KLHL4: variants seen among roughly 807,000 people sequenced by gnomAD.
The protein encoded by KLHL4 is kelch like family member 4.
KLHL4 carries 17 observed loss-of-function variants against 45.8 expected under a neutral mutation model. The ratio of observed to expected loss-of-function variants is 0.37; its 90% CI spans 0.25 to 0.56. The LOEUF is 0.56. Among genes scored for constraint, KLHL4 ranks in the 20% least tolerant of loss-of-function variants. The probability of loss-of-function intolerance (pLI) is 0.79; values close to 1 mark genes in which losing one functional copy is unlikely to be tolerated. For synonymous variants in KLHL4, 224 were observed against 189.9 expected (o/e 1.18, Z -1.47); for missense variants, 544 against 544.9 (o/e 1.00, Z 0.02).
At chrX:87,524,730 T>C (rs989563533) in intron 1 of KLHL4, among the ~76,000 whole-genome samples, 6 of 112,239 alleles carry the variant, frequency 5.3e-5, no homozygotes, top group Admixed American at 2.8e-4. Context: ...GGACTTTAGT[T>C]AATAATAATG....
At chrX:87,565,325 A>G (rs1439210621) in intron 1 of KLHL4, among the ~76,000 whole-genome samples, 4 of 112,144 alleles carry the variant, frequency 3.6e-5, no homozygotes, top group Non-Finnish European at 5.6e-5. Context: ...GAATAGAAAA[A>G]TAATAGACTC....
At chrX:87,663,627 A>G (rs182380310) in intron 9 of KLHL4, among the ~76,000 whole-genome samples, 1 of 112,590 alleles carries the variant, frequency 8.9e-6, no homozygotes, top group African/African-American at 3.2e-5. Flanking sequence ...TGAGTGAAGC[A>G]TCAATTAACA....
At chrX:87,651,127 G>A (rs72634520) in intron 9 of KLHL4, among the ~76,000 whole-genome samples, 9,669 of 111,537 alleles carry the variant, frequency 0.087, 482 homozygotes, top group African/African-American at 0.19. Flanking sequence ...ATTACAGCGC[G>A]TTGGAAATTA....
At chrX:87,570,469 C>T (rs6617444) in intron 1 of KLHL4, among the ~76,000 whole-genome samples, 26,662 of 109,312 alleles carry the variant, frequency 0.24, 2,750 homozygotes, top group East Asian at 0.52. Flanking sequence ...TGAGAATGAC[C>T]GTATCATTTA....
At chrX:87,606,585 G>A (rs1000447411) in intron 1 of KLHL4, among the ~76,000 whole-genome samples, 33 of 110,172 alleles carry the variant, frequency 3.0e-4, no homozygotes, top group Non-Finnish European at 5.9e-4. Context: ...ACAAGTATAG[G>A]CCAACAAATT....
chrX:87,667,553 T>C lies in KLHL4; in HGVS notation c.*1019T>C, dbSNP rs757082565. On this transcript the variant is annotated 3_prime_UTR_variant, in exon 11 of 11. Coordinates refer to ENST00000373119, the MANE Select transcript of KLHL4 (RefSeq NM_019117.5). ...AACACATGCTTTTCTGTTACTGTTA[T>C]ATTATCCAGTAGAAAATGTTAGGAT... is the stretch of plus-strand genomic sequence containing the variant. The C allele has an allele frequency of 3.1e-6, 2 of 654,369 alleles. No individual in the cohort carries two copies. Among genetic ancestry groups the C allele is most frequent in the Non-Finnish European group, 3.6e-6 (2 of 549,742 alleles). The allele number at this position is 654,369 out of a possible 1,213,427, so 53.9% of individuals were successfully genotyped here.
At chrX:87,665,448 T>G (rs1179780539) in intron 10 of KLHL4, among the ~76,000 whole-genome samples, 2 of 110,793 alleles carry the variant, frequency 1.8e-5, no homozygotes, top group African/African-American at 6.6e-5. Context: ...AGTCAATAAT[T>G]TAGTAAACAA....
intron 9 of KLHL4, among the ~76,000 whole-genome samples, chrX:87,653,476 C>T (rs1455813620): frequency 9.0e-6 from 1 of 111,618 alleles, no homozygotes; most frequent in Non-Finnish European, 1.9e-5. Context: ...AGTCAAGAAA[C>T]AATAGATGCT....
At chrX:87,556,550 G>T (rs1487682671) in intron 1 of KLHL4, among the ~76,000 whole-genome samples, 1 of 109,878 alleles carries the variant, frequency 9.1e-6, no homozygotes, top group African/African-American at 3.3e-5. Context: ...GGGAGGGATA[G>T]CTTTAGGAGA....
chrX:87,529,218 G>A (rs1286401021), intron 1 of KLHL4, among the ~76,000 whole-genome samples: 3 of 110,996 alleles, frequency 2.7e-5, no homozygotes, highest in Non-Finnish European at 5.7e-5. Flanking sequence ...ACTGCAACTA[G>A]AAATCAAAAG....
chrX:87,654,487 ATATG>A (rs1434999773), intron 9 of KLHL4, among the ~76,000 whole-genome samples: 1 of 59,318 alleles, frequency 1.7e-5, no homozygotes, highest in Non-Finnish European at 4.0e-5. Flanking sequence ...TGGTGTATGT[ATATG>A]TGTGTGTGTG....
chrX:87,540,678 G>A (rs939246609), intron 1 of KLHL4, among the ~76,000 whole-genome samples: 14 of 110,887 alleles, frequency 1.3e-4, no homozygotes, highest in Non-Finnish European at 5.7e-5. Flanking sequence ...CCTCCTGAAG[G>A]CCCTGCCTGA....
chrX:87,616,123 C>A (rs1922547836), intron 3 of KLHL4, among the ~76,000 whole-genome samples: 1 of 111,005 alleles, frequency 9.0e-6, no homozygotes, highest in South Asian at 3.7e-4. Context: ...ATGGAAAGGA[C>A]ACTGGGAAAG....
At chrX:87,534,047 G>A (rs1305060192) in intron 1 of KLHL4, among the ~76,000 whole-genome samples, 1 of 111,388 alleles carries the variant, frequency 9.0e-6, no homozygotes, top group Non-Finnish European at 1.9e-5. Context: ...AAGAAGAGTG[G>A]AAAACCAAGG....
intron 1 of KLHL4, among the ~76,000 whole-genome samples, chrX:87,577,083 T>C (rs1921124863): frequency 8.9e-6 from 1 of 112,050 alleles, no homozygotes; most frequent in Admixed American, 9.5e-5. Flanking sequence ...TGTTATAAAG[T>C]TAAACAGCAG....
chrX:87,644,601 A>G (rs1923570148), intron 9 of KLHL4, among the ~76,000 whole-genome samples: 1 of 111,752 alleles, frequency 8.9e-6, no homozygotes, highest in Non-Finnish European at 1.9e-5. Flanking sequence ...TAGCCAAAGC[A>G]AGACTAAGGA....
At position 87,662,107 on chromosome X, in the gene KLHL4, A is replaced by G. The variant is rs754703064; in HGVS notation, c.1926-2657A>G. Reference sequence around the variant, plus strand: ...ATTTTTATTACTAACATTATCACCTATTATTACGCTATTATTGTCATTTTC... The same window carrying G: ...ATTTTTATTACTAACATTATCACCTGTTATTACGCTATTATTGTCATTTTC... On this transcript the variant is annotated intron_variant, in intron 9 of 10. Transcript: ENST00000373119. 2.7e-5 allele frequency among the ~76,000 whole-genome samples: 3 copies of G among 111,653 alleles called. No homozygotes were observed. The South Asian group carries it at 1.1e-3, about 41-fold the overall frequency.
chrX:87,592,321 T>C (rs1921696535), intron 1 of KLHL4, among the ~76,000 whole-genome samples: 1 of 112,121 alleles, frequency 8.9e-6, no homozygotes, highest in Non-Finnish European at 1.9e-5. Context: ...GCCATAAACA[T>C]GGAAGTACAG....
chrX:87,535,976 G>T (rs1462703756), intron 1 of KLHL4, among the ~76,000 whole-genome samples: 1 of 110,058 alleles, frequency 9.1e-6, no homozygotes, highest in Non-Finnish European at 1.9e-5. Context: ...CCTCCCAGAA[G>T]CCAAGCAGAT....
Sources: gnomAD v4.1 joint callset for allele counts (sites outside exome capture counted in the v4.1 genomes callset) on GRCh38, gnomAD v4.1.1 for gene constraint, MANE v1.5 for transcripts, NCBI Gene and HGNC (gene_info 2026-07-23, HGNC 2026-07-21) for gene names.